Variants in LRRC37A3 observed in about 807,000 individuals in gnomAD.
LRRC37A3 encodes leucine-rich repeat-containing protein 37A3.
LRRC37A3 carries 25 observed loss-of-function variants against 106.2 expected under a neutral mutation model. The observed-to-expected ratio is 0.24, with a 90% CI of 0.17 to 0.33. LRRC37A3 has a LOEUF of 0.33. Among genes scored for constraint, LRRC37A3 ranks in the 10% least tolerant of loss-of-function variants. LRRC37A3 has a pLI of 1.00. For missense variants in LRRC37A3, 712 were observed against 1,644.9 expected, an observed-to-expected ratio of 0.43 and a Z score of 9.81; for synonymous variants, 305 against 635.8, an observed-to-expected ratio of 0.48 and a Z score of 7.83.
At chr17:64,857,906 G>A (rs550394036) in intron 13 of LRRC37A3, among the ~76,000 whole-genome samples, 6 of 152,330 alleles carry the variant, frequency 3.9e-5, no homozygotes, top group East Asian at 3.9e-4. Context: ...AGGCAAATAA[G>A]GTTGGACTGG....
chr17:64,856,029 T>C, intron 13 of LRRC37A3, 140 bp from the exon 14 acceptor site: 1 of 1,559,762 alleles, frequency 6.4e-7, no homozygotes, highest in Non-Finnish European at 8.7e-7. Context: ...GCATACTGTG[T>C]AACACTGCTT....
intron 5 of LRRC37A3, among the ~76,000 whole-genome samples, chr17:64,891,006 C>T (rs2143542304): frequency 1.1e-5 from 1 of 91,540 alleles, no homozygotes; most frequent in East Asian, 3.2e-4. Flanking sequence ...TCCCAAGGTG[C>T]TGGGATTAAA....
intron 2 of LRRC37A3, chr17:64,909,652 G>C (rs1425476589): frequency 6.6e-6 from 1 of 152,318 alleles, no homozygotes; most frequent in Non-Finnish European, 1.5e-5. Flanking sequence ...CAAGCAGAAA[G>C]TAGGATTTTG....
In LRRC37A3 at chr17:64,896,692, G is replaced by T. The variant is rs754667997; in HGVS notation, c.566C>A (p.Thr189Lys). The T allele has an allele frequency of 1.9e-6, 3 of 1,598,934 alleles. No homozygotes were observed. The South Asian group carries it at 3.3e-5, about 18-fold the overall frequency. ...TGGAGGCAGGCTACCGGGATACGGT[G>T]TATCTGTACTGGAATATTCATTCTG... ...TLQNEYSSTD[T>K]PYPGSLPPEL... Residue 189 changes from threonine to lysine, a missense_variant, in exon 4 of 15, where the codon ACA (threonine) becomes AAA (lysine). By Grantham distance (78) the Thr-to-Lys change is moderately conservative. Transcript: ENST00000584306.
chr17:64,858,286 T>C (rs1972747730), intron 13 of LRRC37A3, among the ~76,000 whole-genome samples: 1 of 152,188 alleles, frequency 6.6e-6, no homozygotes, highest in Non-Finnish European at 1.5e-5. Flanking sequence ...CTGGACCTAT[T>C]TAGACAATGC....
intron 2 of LRRC37A3, among the ~76,000 whole-genome samples, chr17:64,899,448 A>G (rs1974240319): frequency 7.0e-6 from 1 of 141,954 alleles, no homozygotes; most frequent in Non-Finnish European, 1.5e-5. Flanking sequence ...AAAGATAAAA[A>G]TGGTATACCT....
At chr17:64,863,191 T>C in intron 10 of LRRC37A3, 173 bp from the exon 11 acceptor site, 2 of 690,088 alleles carry the variant, frequency 2.9e-6, no homozygotes, top group Admixed American at 4.7e-5. Flanking sequence ...AGTGCCCAAC[T>C]GAAGGGTAAG....
At chr17:64,899,413 C>T in intron 2 of LRRC37A3, among the ~76,000 whole-genome samples, 1 of 128,218 alleles carries the variant, frequency 7.8e-6, no homozygotes, top group Non-Finnish European at 1.5e-5. Context: ...GAGTGAGACT[C>T]CATCTCAAAA....
chr17:64,855,119 C>T (rs1163035594), intron 14 of LRRC37A3, among the ~76,000 whole-genome samples: 1 of 152,074 alleles, frequency 6.6e-6, no homozygotes, highest in Admixed American at 6.5e-5. Context: ...TCCTGCCTGG[C>T]CTTTCTGGTT....
intron 1 of LRRC37A3, among the ~76,000 whole-genome samples, chr17:64,919,109 CCCACCTGCCCCG>C (rs1331278379): frequency 2.0e-5 from 3 of 151,498 alleles, no homozygotes; most frequent in African/African-American, 2.4e-5. Context: ...TGGGCGGCGG[CCCACCTGCCCCG>C]GCTGCTGCCG....
intron 2 of LRRC37A3, among the ~76,000 whole-genome samples, chr17:64,916,147 T>A (rs1347631686): frequency 1.3e-5 from 2 of 152,038 alleles, no homozygotes; most frequent in Non-Finnish European, 2.9e-5. Flanking sequence ...GGCTCACGCC[T>A]GTAATCCCAG....
intron 8 of LRRC37A3, among the ~76,000 whole-genome samples, chr17:64,872,164 C>A (rs1469717837): frequency 2.1e-5 from 2 of 93,738 alleles, no homozygotes; most frequent in African/African-American, 4.0e-5. Context: ...GAGAGACATC[C>A]AAAAATTCAT....
intron 12 of LRRC37A3, 102 bp from the exon 13 acceptor site, chr17:64,858,985 A>T (rs1224689294): frequency 2.5e-6 from 2 of 809,730 alleles, no homozygotes; most frequent in Non-Finnish European, 4.0e-6. Context: ...AGAGGGTCTC[A>T]CTCTGTCACC....
chr17:64,861,249 A>G (rs1384870683), intron 11 of LRRC37A3, among the ~76,000 whole-genome samples: 1 of 152,142 alleles, frequency 6.6e-6, no homozygotes, highest in Non-Finnish European at 1.5e-5. Flanking sequence ...CCAGAGGCCA[A>G]TTGCCCAGTG....
intron 8 of LRRC37A3, among the ~76,000 whole-genome samples, chr17:64,877,294 C>T (rs1349961424): frequency 1.1e-4 from 16 of 152,146 alleles, no homozygotes; most frequent in Non-Finnish European, 2.2e-4. Context: ...CTCCACCTCC[C>T]GGGTTCAAGT....
In LRRC37A3 at chr17:64,860,467, C is replaced by G; in HGVS notation, c.3679G>C (p.Ala1227Pro). Residue 1227 changes from alanine (A) to proline (P), a missense_variant, in exon 12 of 15, where the codon GCG becomes CCG. Coordinates refer to ENST00000584306, the MANE Select transcript of LRRC37A3 (RefSeq NM_199340.5). ...GGCTTGGTGTAGACGGCGTTTCCCG[C>G]TAACTTCTCAGGCCCCTGCTGTGTG... is the stretch of plus-strand genomic sequence containing the variant. ...PHTQQGPEKL[A>P]GNAVYTKPSF... The G allele has an allele frequency of 6.2e-7, 1 of 1,613,672 alleles. No homozygotes were observed. The highest frequency in any genetic ancestry group is 8.5e-7 in the Non-Finnish European group (1 of 1,179,864).
chr17:64,866,453 T>C (rs1304045098), intron 10 of LRRC37A3, among the ~76,000 whole-genome samples: 7 of 150,134 alleles, frequency 4.7e-5, no homozygotes, highest in Non-Finnish European at 5.9e-5. Flanking sequence ...AGTCTCTATT[T>C]AGCTTGCCAT....
chr17:64,912,655 T>C (rs1660557932), intron 2 of LRRC37A3, among the ~76,000 whole-genome samples: 1 of 151,262 alleles, frequency 6.6e-6, no homozygotes, highest in Non-Finnish European at 1.5e-5. Context: ...CCAATCATCA[T>C]CAATCATATT....
At position 64,860,660 on chromosome 17, in the gene LRRC37A3, C is replaced by T. The variant is rs2143381409; in HGVS notation, c.3486G>A (p.Gln1162=). Reference sequence around the variant, plus strand: ...GGCCCATGAGGACTCTATTCAGTCTCTGCCGGTTTTTGCCTACAGTTTGAA... The same window carrying T: ...GGCCCATGAGGACTCTATTCAGTCTTTGCCGGTTTTTGCCTACAGTTTGAA... The part of the protein sequence containing the change: ...AKIQTVGKNR[Q]RLNRVLMGPR... Residue 1162 remains glutamine, a synonymous_variant, in exon 12 of 15, where the codon CAG becomes CAA. Coordinates refer to ENST00000584306, the MANE Select transcript of LRRC37A3 (RefSeq NM_199340.5). 6.2e-7 allele frequency: 1 copy of T among 1,614,034 alleles called. No individual in the cohort carries two copies. The highest frequency in any genetic ancestry group is 8.5e-7 in the Non-Finnish European group (1 of 1,179,878).
Sources: gnomAD v4.1 joint callset for allele counts (sites outside exome capture counted in the v4.1 genomes callset) on GRCh38, gnomAD v4.1.1 for gene constraint, MANE v1.5 for transcripts, NCBI Gene and HGNC (gene_info 2026-07-23, HGNC 2026-07-21) for gene names.